The following HCN1 variants were observed in gnomAD, a reference collection of about 807,000 sequenced individuals.
HCN1 encodes hyperpolarization activated cyclic nucleotide gated potassium channel 1.
HCN1 carries 13 observed loss-of-function variants against 78.9 expected under a neutral mutation model. The ratio of observed to expected loss-of-function variants is 0.16; its 90% CI spans 0.11 to 0.26. The LOEUF (loss-of-function observed/expected upper bound fraction) is 0.26. Ranked by LOEUF, HCN1 falls within the 10% of genes least tolerant of loss-of-function variation. HCN1 has a pLI of 1.00. For missense variants in HCN1, 810 were observed against 1,154.3 expected, an observed-to-expected ratio of 0.70 and a Z score of 4.32; for synonymous variants, 552 against 455.5, an observed-to-expected ratio of 1.21 and a Z score of -2.70.
At chr5:45,372,060 T>TTATACATATATTATAAATATAATTATACA (rs1561127810) in intron 4 of HCN1, among the ~76,000 whole-genome samples, 1 of 58,214 alleles carries the variant, frequency 1.7e-5, no homozygotes, top group African/African-American at 9.1e-5. Flanking sequence ...TATAATATAA[T>TTATACATATATTATAAATATAATTATACA]TATATTATAT....
intron 6 of HCN1, among the ~76,000 whole-genome samples, chr5:45,295,988 T>C (rs1163529202): frequency 2.0e-5 from 3 of 152,040 alleles, no homozygotes; most frequent in African/African-American, 7.2e-5. Context: ...CATGTTGATA[T>C]TCAAAGTAAT....
intron 2 of HCN1, among the ~76,000 whole-genome samples, chr5:45,514,344 T>C (rs1299744785): frequency 1.3e-5 from 2 of 152,110 alleles, no homozygotes; most frequent in East Asian, 1.9e-4. Context: ...ATGTGAATCA[T>C]GAAAATAACC....
At chr5:45,632,538 G>A (rs996983920) in intron 2 of HCN1, among the ~76,000 whole-genome samples, 1 of 151,882 alleles carries the variant, frequency 6.6e-6, no homozygotes, top group African/African-American at 2.4e-5. Flanking sequence ...CTAAGAGTAC[G>A]AATTACAGCT....
chr5:45,571,588 T>C (rs1743837421), intron 2 of HCN1, among the ~76,000 whole-genome samples: 1 of 152,132 alleles, frequency 6.6e-6, no homozygotes, highest in South Asian at 2.1e-4. Context: ...CTCAGGATAT[T>C]TACTACAGAT....
intron 2 of HCN1, among the ~76,000 whole-genome samples, chr5:45,589,574 A>G (rs1271871857): frequency 6.6e-6 from 1 of 152,220 alleles, no homozygotes; most frequent in Non-Finnish European, 1.5e-5. Context: ...ATTATGACCA[A>G]TGATCATAAA....
At chr5:45,531,688 T>C (rs1579953090) in intron 2 of HCN1, among the ~76,000 whole-genome samples, 1 of 152,324 alleles carries the variant, frequency 6.6e-6, no homozygotes, top group East Asian at 1.9e-4. Context: ...AGAATAATTT[T>C]TGTCTTGTAG....
At chr5:45,353,289 G>T in intron 4 of HCN1, 43 bp from the exon 5 acceptor site, 1 of 1,381,930 alleles carries the variant, frequency 7.2e-7, no homozygotes, top group Non-Finnish European at 1.0e-6. Context: ...ACATTGTTAG[G>T]GTGTATCAGA....
At chr5:45,567,408 T>C (rs894277062) in intron 2 of HCN1, among the ~76,000 whole-genome samples, 1 of 151,932 alleles carries the variant, frequency 6.6e-6, no homozygotes, top group African/African-American at 2.4e-5. Flanking sequence ...GGAATATCCA[T>C]AAAAAAGGAA....
chr5:45,391,036 A>G (rs1172561021), intron 4 of HCN1, among the ~76,000 whole-genome samples: 1 of 152,020 alleles, frequency 6.6e-6, no homozygotes, highest in African/African-American at 2.4e-5. Context: ...ATACCACGGT[A>G]TGTTAAATTC....
intron 3 of HCN1, among the ~76,000 whole-genome samples, chr5:45,458,110 A>C (rs1741063843): frequency 6.6e-6 from 1 of 152,124 alleles, no homozygotes; most frequent in African/African-American, 2.4e-5. Flanking sequence ...TTAATATAAG[A>C]ATAGATATAT....
intron 2 of HCN1, among the ~76,000 whole-genome samples, chr5:45,570,475 A>G (rs1743803475): frequency 6.6e-6 from 1 of 152,124 alleles, no homozygotes; most frequent in African/African-American, 2.4e-5. Context: ...GCTGGGAGAG[A>G]AACTTCAGCA....
intron 2 of HCN1, among the ~76,000 whole-genome samples, chr5:45,617,176 C>T (rs1744974473): frequency 1.3e-5 from 2 of 152,016 alleles, no homozygotes; most frequent in Non-Finnish European, 1.5e-5. Flanking sequence ...CTTTCAATTG[C>T]TTGCACATGT....
At chr5:45,668,752 G>T (rs767226660) in intron 1 of HCN1, among the ~76,000 whole-genome samples, 1 of 151,812 alleles carries the variant, frequency 6.6e-6, no homozygotes, top group African/African-American at 2.4e-5. Flanking sequence ...AGAACTTGAC[G>T]TAATAAGCAT....
At chr5:45,683,007 T>G (rs1220577840) in intron 1 of HCN1, among the ~76,000 whole-genome samples, 2 of 152,108 alleles carry the variant, frequency 1.3e-5, no homozygotes, top group Non-Finnish European at 2.9e-5. Context: ...AAGGTTAGAA[T>G]AATTTACAGT....
intron 2 of HCN1, among the ~76,000 whole-genome samples, chr5:45,522,790 A>G (rs1322178526): frequency 6.6e-6 from 1 of 151,878 alleles, no homozygotes; most frequent in Non-Finnish European, 1.5e-5. Flanking sequence ...TAAATAGTTG[A>G]AACACGCTCA....
chr5:45,501,591 C>A (rs1742188163), intron 2 of HCN1, among the ~76,000 whole-genome samples: 1 of 152,048 alleles, frequency 6.6e-6, no homozygotes, highest in Non-Finnish European at 1.5e-5. Flanking sequence ...CAGGCACCCG[C>A]CACCACGCCC....
At chr5:45,506,036 G>T (rs961394905) in intron 2 of HCN1, among the ~76,000 whole-genome samples, 2 of 152,046 alleles carry the variant, frequency 1.3e-5, no homozygotes, top group African/African-American at 4.8e-5. Flanking sequence ...AACAAGGATA[G>T]TATAGTTATG....
intron 2 of HCN1, among the ~76,000 whole-genome samples, chr5:45,549,308 A>C (rs1380286858): frequency 6.6e-6 from 1 of 152,112 alleles, no homozygotes; most frequent in Non-Finnish European, 1.5e-5. Context: ...GATATAGACC[A>C]ATGGAACATA....
At chr5:45,316,867 G>T in intron 5 of HCN1, among the ~76,000 whole-genome samples, 1 of 152,074 alleles carries the variant, frequency 6.6e-6, no homozygotes, top group East Asian at 1.9e-4. Flanking sequence ...GGGCTGTGAA[G>T]GACCTCTTCA....
Sources: allele counts gnomAD v4.1 joint callset (sites outside exome capture counted in the v4.1 genomes callset), GRCh38; gene constraint gnomAD v4.1.1; transcripts MANE v1.5; gene names NCBI Gene and HGNC (gene_info 2026-07-23, HGNC 2026-07-21).